Variants in KIFBP observed in about 807,000 individuals in gnomAD.
KIFBP encodes kinesin family binding protein.
A neutral mutation model predicts 58.9 loss-of-function variants in KIFBP; 46 were observed. That is an observed-to-expected ratio of 0.78 (90% CI 0.62 to 1.00). The LOEUF (loss-of-function observed/expected upper bound fraction) is 1.00, where lower values mean the gene tolerates loss of function less well. KIFBP is among the 50% of genes least tolerant of loss of function. The probability of loss-of-function intolerance (pLI) is 0.00; values close to 1 mark genes in which losing one functional copy is unlikely to be tolerated. For missense variants in KIFBP, 651 were observed against 752.9 expected, an observed-to-expected ratio of 0.86 and a Z score of 1.58; for synonymous variants, 241 against 283.4, an observed-to-expected ratio of 0.85 and a Z score of 1.50.
intron 2 of KIFBP, among the ~76,000 whole-genome samples, chr10:69,003,895 GC>G (rs1223766262): frequency 2.0e-5 from 3 of 152,030 alleles, no homozygotes; most frequent in African/African-American, 7.2e-5. Context: ...TTTTAAAAGA[GC>G]CCTTTTACCA....
rs995174251 is a variant in KIFBP at position 69,005,685 on chromosome 10, A to G, written c.606-47A>G. On this transcript the variant is annotated intron_variant, in intron 3 of 6. Transcript: ENST00000361983. ...GAGACTCTGTCTCAGGAAAAAAAAA[A>G]AACAAGTAAACCATTACACAAATAT... 35 of 1,463,678 alleles carry G rather than the reference A, an allele frequency of 2.4e-5. No homozygotes were observed. In the African/African-American group the frequency reaches 3.9e-4, roughly 16 times the overall value. The allele number at this position is 1,463,678 out of a possible 1,614,324, so 90.7% of individuals were successfully genotyped here.
intron 2 of KIFBP, among the ~76,000 whole-genome samples, chr10:69,001,981 G>A (rs1003019882): frequency 4.6e-5 from 7 of 151,954 alleles, no homozygotes; most frequent in Non-Finnish European, 1.0e-4. Flanking sequence ...ACCAGCCTGC[G>A]CAACACAGGA....
intron 1 of KIFBP, among the ~76,000 whole-genome samples, chr10:68,990,679 G>A (rs1843333130): frequency 6.6e-6 from 1 of 152,182 alleles, no homozygotes; most frequent in African/African-American, 2.4e-5. Context: ...TATCACAGCA[G>A]TGTTGATTAT....
intron 4 of KIFBP, 127 bp downstream of exon 4, chr10:69,006,042 C>G: frequency 2.3e-6 from 2 of 860,614 alleles, no homozygotes; most frequent in Non-Finnish European, 3.5e-6. Flanking sequence ...CAACTGAAGC[C>G]GAAAATGCAG....
chr10:68,991,370 C>T (rs950006387), intron 1 of KIFBP: 1 of 289,594 alleles, frequency 3.5e-6, no homozygotes, highest in Admixed American at 3.6e-5. Flanking sequence ...TGGTGTTGAT[C>T]GGTGTATACA....
chr10:69,004,083 G>A (rs879938892), intron 2 of KIFBP, among the ~76,000 whole-genome samples: 3 of 151,938 alleles, frequency 2.0e-5, no homozygotes, highest in Admixed American at 1.3e-4. Context: ...AGCTGGGGGT[G>A]GTGGCACGTG....
intron 1 of KIFBP, chr10:68,991,382 A>G (rs375896974): frequency 3.0e-6 from 1 of 334,768 alleles, no homozygotes. Flanking sequence ...GTGTATACAC[A>G]AGTTTCTGGA....
At chr10:69,003,164 TAA>T (rs1843489918) in intron 2 of KIFBP, among the ~76,000 whole-genome samples, 1 of 152,166 alleles carries the variant, frequency 6.6e-6, no homozygotes, top group Non-Finnish European at 1.5e-5. Context: ...CTGTTTCAGT[TAA>T]GAGACTGATT....
At chr10:69,001,200 T>G (rs574970875) in intron 2 of KIFBP, among the ~76,000 whole-genome samples, 1 of 152,022 alleles carries the variant, frequency 6.6e-6, no homozygotes, top group East Asian at 1.9e-4. Flanking sequence ...GTTAAGCAGG[T>G]TAGAAGGACC....
At chr10:68,996,333 G>A (rs1843406935) in intron 1 of KIFBP, among the ~76,000 whole-genome samples, 1 of 152,100 alleles carries the variant, frequency 6.6e-6, no homozygotes, top group South Asian at 2.1e-4. Flanking sequence ...GGCTGAGGTG[G>A]GTGGATCACC....
chr10:69,003,134 C>T (rs1351045848), intron 2 of KIFBP, among the ~76,000 whole-genome samples: 3 of 151,176 alleles, frequency 2.0e-5, no homozygotes, highest in Non-Finnish European at 4.4e-5. Context: ...TAGTGAAATT[C>T]CTTGTGTTTA....
At chr10:69,009,219 T>C (rs1360178940) in intron 5 of KIFBP, among the ~76,000 whole-genome samples, 1 of 152,150 alleles carries the variant, frequency 6.6e-6, no homozygotes, top group Non-Finnish European at 1.5e-5. Context: ...AAATGTAACA[T>C]TGGCCAGGCA....
intron 6 of KIFBP, 85 bp downstream of exon 6, chr10:69,011,100 G>T (rs1843585016): frequency 2.3e-6 from 2 of 862,438 alleles, no homozygotes; most frequent in Admixed American, 3.6e-5. Flanking sequence ...GCTCATTGGG[G>T]TCACATTGTG....
intron 6 of KIFBP, among the ~76,000 whole-genome samples, chr10:69,014,715 T>TTTTGAGACGGAGTCTCGCTGTC (rs1468933436): frequency 7.5e-6 from 1 of 133,280 alleles, no homozygotes; most frequent in Non-Finnish European, 1.6e-5. Context: ...TTTTTTTATT[T>TTTTGAGACGGAGTCTCGCTGTC]GCCCCCCCCC....
intron 2 of KIFBP, 118 bp downstream of exon 2, chr10:69,000,640 T>TC: frequency 1.3e-6 from 1 of 749,624 alleles, no homozygotes; most frequent in Non-Finnish European, 2.4e-6. Context: ...AACTTCTCTA[T>TC]AGAGCCATCT....
chr10:68,989,273 G>T lies in KIFBP; in HGVS notation c.426+15G>T. Reference sequence around the variant, plus strand: ...TCCAGGCGCAGGTGAGAGCGAGCCCGGCCAGGCCGGCCCCTGTTGGCAAAT... The same window carrying T: ...TCCAGGCGCAGGTGAGAGCGAGCCCTGCCAGGCCGGCCCCTGTTGGCAAAT... On this transcript the variant is annotated intron_variant, in intron 1 of 6. Transcript: ENST00000361983. 1 of 1,611,050 alleles carries T rather than the reference G, an allele frequency of 6.2e-7. No individual in the cohort carries two copies. Among genetic ancestry groups the T allele is most frequent in the Non-Finnish European group, 8.5e-7 (1 of 1,179,488 alleles).
intron 2 of KIFBP, among the ~76,000 whole-genome samples, chr10:69,002,041 C>G (rs915126612): frequency 6.6e-6 from 1 of 152,098 alleles, no homozygotes; most frequent in African/African-American, 2.4e-5. Context: ...GTGGCACACA[C>G]TGTAGTTTTA....
chr10:68,989,497 G>A, intron 1 of KIFBP: 1 of 591,432 alleles, frequency 1.7e-6, no homozygotes. Context: ...CACCCTCGTC[G>A]CCCACACCAA....
At position 69,015,568 on chromosome 10, in the gene KIFBP, A is replaced by T; in HGVS notation, c.1018A>T (p.Lys340Ter). ...CAACATAGGAGAGCTTGATCTTGATAAACAGTCTGAACTTAGAGCTTTAAG... is the reference window on the plus strand; with the variant it reads ...CAACATAGGAGAGCTTGATCTTGATTAACAGTCTGAACTTAGAGCTTTAAG... Reference protein sequence around the residue: ...QDNIGELDLDKQSELRALRKK... With the variant: ...QDNIGELDLD Residue 340 changes from lysine to a stop codon, truncating the protein, a stop_gained, in exon 7 of 7, where the codon AAA becomes TAA. Transcript: ENST00000361983. LOFTEE classifies it high-confidence loss of function. The T allele has an allele frequency of 1.9e-6, 3 of 1,613,720 alleles. No individual in the cohort carries two copies. Among genetic ancestry groups the T allele is most frequent in the Non-Finnish European group, 2.5e-6 (3 of 1,179,902 alleles).
Sources: allele counts gnomAD v4.1 joint callset (sites outside exome capture counted in the v4.1 genomes callset), GRCh38; gene constraint gnomAD v4.1.1; transcripts MANE v1.5; gene names NCBI Gene and HGNC (gene_info 2026-07-23, HGNC 2026-07-21).